The following COG3 variants were observed in gnomAD, a reference collection of about 807,000 sequenced individuals.
The protein encoded by COG3 is component of oligomeric golgi complex 3, also known as conserved oligomeric Golgi complex subunit 3.
In COG3, 32 loss-of-function variants were observed where a neutral mutation model predicts 114.1. The observed-to-expected ratio is 0.28, with a 90% confidence interval of 0.21 to 0.38. The LOEUF (loss-of-function observed/expected upper bound fraction) is 0.38, where lower values mean the gene tolerates loss of function less well. Ranked by LOEUF, COG3 falls within the 10% of genes least tolerant of loss-of-function variation. COG3 has a pLI of 1.00. For synonymous variants in COG3, 352 were observed against 365.7 expected, an observed-to-expected ratio of 0.96 and a Z score of 0.43; for missense variants, 813 against 973.2, an observed-to-expected ratio of 0.84 and a Z score of 2.19.
At chr13:45,469,330 T>G (rs762829852) in intron 1 of COG3, among the ~76,000 whole-genome samples, 1 of 152,236 alleles carries the variant, frequency 6.6e-6, no homozygotes. Flanking sequence ...TAAACTTTTT[T>G]TGGTTCAAGA....
intron 14 of COG3, among the ~76,000 whole-genome samples, chr13:45,505,665 C>T (rs1029372318): frequency 4.6e-5 from 7 of 151,788 alleles, no homozygotes; most frequent in Non-Finnish European, 1.0e-4. Context: ...CGCTGTGTTG[C>T]CCAGGCTGGT....
At chr13:45,518,933 G>A (rs1239996017) in intron 18 of COG3, 27 bp from the exon 19 acceptor site, 20 of 1,613,610 alleles carry the variant, frequency 1.2e-5, no homozygotes, top group Non-Finnish European at 1.6e-5. Context: ...CATAAAAACA[G>A]GAGGAAATTG....
chr13:45,490,714 T>G (rs1044158805), intron 8 of COG3, among the ~76,000 whole-genome samples: 2 of 151,612 alleles, frequency 1.3e-5, no homozygotes, highest in Non-Finnish European at 2.9e-5. Flanking sequence ...AAGAAAAATA[T>G]AGGAACTGTG....
chr13:45,513,555 A>G (rs6561231), intron 16 of COG3, among the ~76,000 whole-genome samples: 15,395 of 133,394 alleles, frequency 0.12, 2,392 homozygotes, highest in African/African-American at 0.29. Flanking sequence ...TATAAATTAT[A>G]TATATAAAAG....
rs1421753482 is a variant in COG3 at position 45,536,163 on chromosome 13, A to G, written c.*1432A>G. 3 of 152,266 alleles carry G rather than the reference A, an allele frequency of 2.0e-5. No individual in the cohort carries two copies. The highest frequency in any genetic ancestry group is 7.2e-5 in the African/African-American group (3 of 41,472). 9.4% of individuals were successfully genotyped at this position (152,266 alleles called of 1,614,324 possible). A position where few individuals can be genotyped will look rare whatever the true frequency, so the allele number is the denominator to read the frequency against. On this transcript the variant is annotated 3_prime_UTR_variant, in exon 23 of 23. Coordinates refer to ENST00000349995, the MANE Select transcript of COG3 (RefSeq NM_031431.4). Reference sequence around the variant, plus strand: ...GCCCATATTCATTCTTTGCCATGAAATGAATGAATTAGGAAGATTGTATTT... The same window carrying G: ...GCCCATATTCATTCTTTGCCATGAAGTGAATGAATTAGGAAGATTGTATTT...
At chr13:45,506,713 A>G (rs1870190767) in intron 14 of COG3, among the ~76,000 whole-genome samples, 1 of 152,154 alleles carries the variant, frequency 6.6e-6, no homozygotes, top group Non-Finnish European at 1.5e-5. Context: ...GTCAGGTAGG[A>G]AGTGGAGCAA....
intron 22 of COG3, chr13:45,531,442 A>C (rs879230149): frequency 1.3e-5 from 2 of 152,182 alleles, no homozygotes; most frequent in African/African-American, 4.8e-5. Context: ...CAAGAGCCTG[A>C]CTGGGCTGGG....
At chr13:45,534,128 A>T (rs1037174762) in intron 22 of COG3, among the ~76,000 whole-genome samples, 5 of 152,234 alleles carry the variant, frequency 3.3e-5, no homozygotes, top group Non-Finnish European at 5.9e-5. Context: ...CAGAATTGGC[A>T]TGTGAGTTGA....
chr13:45,501,046 G>A (rs1348525249), intron 13 of COG3, among the ~76,000 whole-genome samples: 2 of 152,176 alleles, frequency 1.3e-5, no homozygotes, highest in South Asian at 4.1e-4. Context: ...CATATTAAGG[G>A]TACAGCCTTT....
intron 10 of COG3, 115 bp downstream of exon 10, chr13:45,491,653 A>G (rs1476242507): frequency 2.1e-6 from 2 of 945,874 alleles, no homozygotes; most frequent in East Asian, 5.6e-5. Flanking sequence ...CTGAAAAAGC[A>G]TGTTTTTCAT....
chr13:45,478,266 ACTGCAAGCTCTG>A (rs1253292512), intron 2 of COG3, among the ~76,000 whole-genome samples: 1 of 147,670 alleles, frequency 6.8e-6, no homozygotes, highest in Non-Finnish European at 1.5e-5. Flanking sequence ...ATCTCGGCTC[ACTGCAAGCTCTG>A]CCTCCCGGGT....
chr13:45,473,567 C>T (rs552114060), intron 1 of COG3, among the ~76,000 whole-genome samples: 5 of 152,164 alleles, frequency 3.3e-5, no homozygotes, highest in South Asian at 2.1e-4. Context: ...TTTGTAAAGA[C>T]GGCTTTACAA....
chr13:45,482,979 G>C (rs1261953517), intron 6 of COG3, among the ~76,000 whole-genome samples: 1 of 152,076 alleles, frequency 6.6e-6, no homozygotes, highest in Non-Finnish European at 1.5e-5. Flanking sequence ...AAGTCTGTGG[G>C]GTGCTGAAAA....
intron 13 of COG3, among the ~76,000 whole-genome samples, chr13:45,498,656 T>C (rs1427413231): frequency 6.6e-6 from 1 of 152,104 alleles, no homozygotes; most frequent in Non-Finnish European, 1.5e-5. Context: ...TTGTTTTGTT[T>C]TGTTTTTGGA....
At position 45,535,765 on chromosome 13, in the gene COG3, A is replaced by T; in HGVS notation, c.*1034A>T. ...CAAACACTATCCACATCTGAAAACT[A>T]CCACACCATATCAGGGATCATAAAT... On this transcript the variant is annotated 3_prime_UTR_variant, in exon 23 of 23. Coordinates refer to ENST00000349995, the MANE Select transcript of COG3 (RefSeq NM_031431.4). The T allele has an allele frequency of 2.0e-6, 2 of 987,576 alleles. No individual in the cohort carries two copies. Among genetic ancestry groups the T allele is most frequent in the Non-Finnish European group, 2.4e-6 (2 of 830,100 alleles). The allele number at this position is 987,576 out of a possible 1,614,324, so 61.2% of individuals were successfully genotyped here.
chr13:45,493,865 T>TA, intron 12 of COG3: 1 of 31,582 alleles, frequency 3.2e-5, no homozygotes, highest in South Asian at 1.0e-3. Flanking sequence ...AAACAGGAAT[T>TA]GTTTTGTGTA....
At chr13:45,482,634 A>G (rs1261126045) in intron 6 of COG3, among the ~76,000 whole-genome samples, 161 bp downstream of exon 6, 1 of 152,136 alleles carries the variant, frequency 6.6e-6, no homozygotes, top group Admixed American at 6.5e-5. Flanking sequence ...AAAAATATGT[A>G]TTTGTAACAT....
At chr13:45,514,598 C>T (rs1490448439) in intron 16 of COG3, among the ~76,000 whole-genome samples, 1 of 152,038 alleles carries the variant, frequency 6.6e-6, no homozygotes, top group African/African-American at 2.4e-5. Context: ...TGGAGAAGCT[C>T]TCAATTTGAT....
intron 1 of COG3, among the ~76,000 whole-genome samples, chr13:45,474,311 C>T (rs552671708): frequency 1.3e-3 from 199 of 152,124 alleles, no homozygotes; most frequent in African/African-American, 4.2e-3. Context: ...GCGCCTGCCA[C>T]CATGCCCGGC....
Sources: allele counts gnomAD v4.1 joint callset (sites outside exome capture counted in the v4.1 genomes callset), GRCh38; gene constraint gnomAD v4.1.1; transcripts MANE v1.5; gene names NCBI Gene and HGNC (gene_info 2026-07-23, HGNC 2026-07-21).